RHBDD1: variants seen among roughly 807,000 people sequenced by gnomAD.
RHBDD1 encodes the protein rhomboid domain containing 1.
A neutral mutation model predicts 36.3 loss-of-function variants in RHBDD1; 38 were observed. The observed-to-expected ratio is 1.05, with a 90% confidence interval of 0.81 to 1.37. The LOEUF (loss-of-function observed/expected upper bound fraction) is 1.37. RHBDD1 is among the 40% of genes most tolerant of loss of function. The pLI, the probability that RHBDD1 is intolerant of heterozygous loss-of-function variation, is 0.00. For synonymous variants in RHBDD1, 151 were observed against 136.5 expected, an observed-to-expected ratio of 1.11 and a Z score of -0.74; for missense variants, 393 against 377.6, an observed-to-expected ratio of 1.04 and a Z score of -0.34.
At chr2:226,820,730 A>G in the RHBDD1 span, among the ~76,000 whole-genome samples, 1 of 151,616 alleles carries the variant, frequency 6.6e-6, no homozygotes, top group South Asian at 2.1e-4. Flanking sequence ...CTCAGGTGGT[A>G]GGATTGCATG....
At chr2:226,954,263 T>C (rs1049558681) in intron 8 of RHBDD1, among the ~76,000 whole-genome samples, 3 of 152,174 alleles carry the variant, frequency 2.0e-5, no homozygotes, top group Non-Finnish European at 2.9e-5. Context: ...TAATTATTAA[T>C]AGTGAGGGTG....
chr2:226,861,788 G>A (rs183427606), intron 3 of RHBDD1, among the ~76,000 whole-genome samples: 18 of 152,122 alleles, frequency 1.2e-4, no homozygotes, highest in East Asian at 3.9e-4. Flanking sequence ...AAAAAGTTAC[G>A]GTAGGTAAAG....
intron 8 of RHBDD1, among the ~76,000 whole-genome samples, chr2:226,921,394 T>G (rs548728729): frequency 1.7e-4 from 26 of 152,228 alleles, no homozygotes; most frequent in African/African-American, 5.8e-4. Context: ...TTTTGTTAGC[T>G]CTTGCTTTTC....
At chr2:226,897,993 A>ACAT (rs780145254) in intron 5 of RHBDD1, among the ~76,000 whole-genome samples, 1 of 152,056 alleles carries the variant, frequency 6.6e-6, no homozygotes, top group Non-Finnish European at 1.5e-5. Flanking sequence ...AAACAAAACA[A>ACAT]CAACAACAAC....
At chr2:226,926,180 C>G (rs894353677) in intron 8 of RHBDD1, among the ~76,000 whole-genome samples, 1 of 150,172 alleles carries the variant, frequency 6.7e-6, no homozygotes, top group East Asian at 2.0e-4. Context: ...GAGATCGAGA[C>G]CATCCTGGCT....
intron 5 of RHBDD1, among the ~76,000 whole-genome samples, chr2:226,901,734 A>G (rs1170743536): frequency 1.3e-5 from 2 of 152,208 alleles, no homozygotes; most frequent in Non-Finnish European, 2.9e-5. Context: ...TGCAAACCAT[A>G]TATCTAATAG....
In RHBDD1 at chr2:226,907,109, A is replaced by G; in HGVS notation, c.655+228A>G. The G allele has an allele frequency of 5.1e-6, 3 of 593,478 alleles. No homozygotes were observed. In the East Asian group the frequency reaches 8.7e-5, roughly 17 times the overall value. 36.8% of individuals were successfully genotyped at this position (593,478 alleles called of 1,614,324 possible). A position where few individuals can be genotyped will look rare whatever the true frequency, so the allele number is the denominator to read the frequency against. On this transcript the variant is annotated intron_variant, in intron 6 of 8. Transcript: ENST00000392062. Reference sequence around the variant, plus strand: ...AATCTGATACTTTCTTAGGGGACAAATATCAGTATATATTTATACCCTCAA... The same window carrying G: ...AATCTGATACTTTCTTAGGGGACAAGTATCAGTATATATTTATACCCTCAA...
At chr2:226,950,661 G>T (rs1216441757) in intron 8 of RHBDD1, among the ~76,000 whole-genome samples, 1 of 152,216 alleles carries the variant, frequency 6.6e-6, no homozygotes, top group East Asian at 1.9e-4. Flanking sequence ...TCATCTTTTT[G>T]ATAATAGCCA....
chr2:226,916,453 CTAT>C (rs1948917638), intron 8 of RHBDD1, among the ~76,000 whole-genome samples: 1 of 152,128 alleles, frequency 6.6e-6, no homozygotes, highest in Non-Finnish European at 1.5e-5. Flanking sequence ...CACCACTGGG[CTAT>C]CCATGAAATA....
the RHBDD1 span, among the ~76,000 whole-genome samples, chr2:226,824,735 C>T: frequency 1.3e-5 from 2 of 152,330 alleles, no homozygotes; most frequent in African/African-American, 4.8e-5. Flanking sequence ...CTCTGGCCCC[C>T]TTCAGTCACC....
the RHBDD1 span, among the ~76,000 whole-genome samples, chr2:226,825,752 T>A: frequency 1.3e-5 from 2 of 152,196 alleles, no homozygotes; most frequent in African/African-American, 4.8e-5. Context: ...AAATAATGTA[T>A]TAGAAAGAAA....
At chr2:226,874,452 A>G (rs537354647) in intron 5 of RHBDD1, among the ~76,000 whole-genome samples, 1 of 152,242 alleles carries the variant, frequency 6.6e-6, no homozygotes, top group South Asian at 2.1e-4. Context: ...TGGTGTTGTC[A>G]GGGTGGAGTT....
chr2:226,831,215 T>C (rs549188446), upstream of RHBDD1, among the ~76,000 whole-genome samples: 12 of 152,298 alleles, frequency 7.9e-5, no homozygotes, highest in Admixed American at 4.6e-4. Context: ...ATTTGATGGA[T>C]TGACATCAGT....
intron 8 of RHBDD1, among the ~76,000 whole-genome samples, chr2:226,929,951 C>T (rs910870158): frequency 3.3e-5 from 5 of 151,674 alleles, no homozygotes; most frequent in Non-Finnish European, 4.4e-5. Context: ...TGGGGATAAA[C>T]TTAACAAAGG....
chr2:226,959,123 T>C (rs1173108960), intron 8 of RHBDD1, among the ~76,000 whole-genome samples: 2 of 152,102 alleles, frequency 1.3e-5, no homozygotes, highest in Admixed American at 6.6e-5. Flanking sequence ...GTGGGGCCTA[T>C]TGAGTCTCGG....
intron 3 of RHBDD1, among the ~76,000 whole-genome samples, chr2:226,839,849 T>G (rs186039338): frequency 2.2e-4 from 34 of 152,296 alleles, no homozygotes; most frequent in Admixed American, 6.5e-4. Context: ...TTAAAAGCTA[T>G]TTGGCATTTT....
Position 226,906,861 on chromosome 2 carries a change from AAATCATGG to A in RHBDD1, c.638_645del (p.Ile213SerfsTer20). ...ATGTACACTCAAGGGCCTCTGAAGA[AAATCATGG>A]AAGCATGTGCAGGTACAGAATAAAA... On this transcript the variant is annotated frameshift_variant, in exon 6 of 9. Coordinates refer to ENST00000392062, the MANE Select transcript of RHBDD1 (RefSeq NM_001167608.3). LOFTEE classifies it high-confidence loss of function. 2 of 1,614,166 alleles carry A rather than the reference AAATCATGG, an allele frequency of 1.2e-6. No homozygotes were observed. Among genetic ancestry groups the A allele is most frequent in the Non-Finnish European group, 1.7e-6 (2 of 1,179,990 alleles).
chr2:226,922,510 A>G (rs765696282), intron 8 of RHBDD1, among the ~76,000 whole-genome samples: 17 of 152,096 alleles, frequency 1.1e-4, no homozygotes, highest in Non-Finnish European at 2.1e-4. Flanking sequence ...CCCAGCCTCT[A>G]TATGTATTTT....
chr2:226,978,898 G>C (rs1955073244), intron 8 of RHBDD1, among the ~76,000 whole-genome samples: 2 of 152,188 alleles, frequency 1.3e-5, no homozygotes, highest in Non-Finnish European at 2.9e-5. Flanking sequence ...TGTGGAGAAT[G>C]GCTGGTAGGA....
Sources: allele counts gnomAD v4.1 joint callset (sites outside exome capture counted in the v4.1 genomes callset), GRCh38; gene constraint gnomAD v4.1.1; transcripts MANE v1.5; gene names NCBI Gene and HGNC (gene_info 2026-07-23, HGNC 2026-07-21).